GRM3: variants seen among roughly 807,000 people sequenced by gnomAD.
GRM3 encodes the protein glutamate metabotropic receptor 3, also known as metabotropic glutamate receptor 3.
A neutral mutation model predicts 70.5 loss-of-function variants in GRM3; 26 were observed. That is an observed-to-expected ratio of 0.37 (90% CI 0.27 to 0.51). The LOEUF (loss-of-function observed/expected upper bound fraction) is 0.51, where lower values mean the gene tolerates loss of function less well. GRM3 is among the 20% of genes least tolerant of loss of function. The probability of loss-of-function intolerance (pLI) is 0.93; values close to 1 mark genes in which losing one functional copy is unlikely to be tolerated. For missense variants in GRM3, 859 were observed against 1,123.8 expected, an observed-to-expected ratio of 0.76 and a Z score of 3.37; for synonymous variants, 443 against 434.9, an observed-to-expected ratio of 1.02 and a Z score of -0.23.
intron 3 of GRM3, among the ~76,000 whole-genome samples, chr7:86,795,925 AAAT>A (rs1208037490): frequency 6.6e-6 from 1 of 152,072 alleles, no homozygotes; most frequent in Non-Finnish European, 1.5e-5. Context: ...CTTGACTTTT[AAAT>A]AATGTTTATT....
intron 1 of GRM3, among the ~76,000 whole-genome samples, chr7:86,750,225 A>T (rs1031285379): frequency 1.3e-5 from 2 of 152,038 alleles, no homozygotes; most frequent in African/African-American, 4.8e-5. Flanking sequence ...GATTATGCTA[A>T]TCTACACAGA....
rs560866256 is a variant in GRM3 at position 86,741,168 on chromosome 7, T to C, written c.-140-23838T>C. 1.2e-4 allele frequency among the ~76,000 whole-genome samples: 18 copies of C among 152,288 alleles called. No homozygotes were observed. In the South Asian group the frequency reaches 2.3e-3, roughly 19 times the overall value. On this transcript the variant is annotated intron_variant, in intron 1 of 5. Coordinates refer to ENST00000361669, the MANE Select transcript of GRM3 (RefSeq NM_000840.3). The stretch of plus-strand genomic sequence containing the variant: ...GTTTTGGGATGTTGTGTTTGACCTC[T>C]ACTAACTCTAATATGGATGGTACTA...
At chr7:86,758,354 C>T (rs941693800) in intron 1 of GRM3, among the ~76,000 whole-genome samples, 10 of 152,086 alleles carry the variant, frequency 6.6e-5, no homozygotes, top group African/African-American at 1.9e-4. Context: ...TTTCTACACT[C>T]GGTTTATGCT....
At chr7:86,780,296 T>A (rs947596933) in intron 2 of GRM3, among the ~76,000 whole-genome samples, 2 of 152,190 alleles carry the variant, frequency 1.3e-5, no homozygotes, top group Admixed American at 1.3e-4. Flanking sequence ...TATGCATATG[T>A]AACAAACTTG....
intron 1 of GRM3, among the ~76,000 whole-genome samples, chr7:86,695,780 G>GCTA (rs1489485878): frequency 6.6e-6 from 1 of 152,110 alleles, no homozygotes; most frequent in East Asian, 1.9e-4. Context: ...TTAAAAGGTG[G>GCTA]CTAGCTTCCC....
intron 4 of GRM3, among the ~76,000 whole-genome samples, chr7:86,845,590 T>C (rs1312368046): frequency 6.6e-6 from 1 of 152,050 alleles, no homozygotes; most frequent in African/African-American, 2.4e-5. Flanking sequence ...CTTAGTCTGG[T>C]GTGTATGGAC....
intron 1 of GRM3, among the ~76,000 whole-genome samples, chr7:86,711,193 T>G (rs1237584304): frequency 6.6e-6 from 1 of 151,648 alleles, no homozygotes; most frequent in Non-Finnish European, 1.5e-5. Flanking sequence ...TTTTATTTTA[T>G]TATTATTATA....
chr7:86,793,509 T>G (rs1245855365), intron 3 of GRM3, among the ~76,000 whole-genome samples: 1 of 152,250 alleles, frequency 6.6e-6, no homozygotes, highest in African/African-American at 2.4e-5. Flanking sequence ...CCAGCTCTGC[T>G]GATCAAAAGC....
intron 1 of GRM3, among the ~76,000 whole-genome samples, chr7:86,720,864 GA>G (rs1795445229): frequency 6.6e-6 from 1 of 152,072 alleles, no homozygotes; most frequent in African/African-American, 2.4e-5. Context: ...ACTAGAGATA[GA>G]AAAGTGAGCA....
intron 1 of GRM3, among the ~76,000 whole-genome samples, chr7:86,684,321 G>T (rs890477949): frequency 2.0e-5 from 3 of 152,152 alleles, no homozygotes; most frequent in African/African-American, 7.2e-5. Flanking sequence ...ATTCCACAGA[G>T]GGCTGTTGCA....
At chr7:86,767,330 C>G (rs141435858) in intron 2 of GRM3, among the ~76,000 whole-genome samples, 1 of 151,550 alleles carries the variant, frequency 6.6e-6, no homozygotes, top group Non-Finnish European at 1.5e-5. Flanking sequence ...CTTCAGATTA[C>G]ACCATCATGT....
At chr7:86,691,860 A>G (rs540037917) in intron 1 of GRM3, among the ~76,000 whole-genome samples, 3 of 152,300 alleles carry the variant, frequency 2.0e-5, no homozygotes, top group Admixed American at 6.5e-5. Context: ...TAAATTTCTT[A>G]TCATTAAAAA....
At chr7:86,844,682 A>G (rs1798619948) in intron 4 of GRM3, among the ~76,000 whole-genome samples, 1 of 152,146 alleles carries the variant, frequency 6.6e-6, no homozygotes, top group Non-Finnish European at 1.5e-5. Flanking sequence ...GGATGTTAAC[A>G]ATGGAGATGG....
intron 2 of GRM3, chr7:86,784,512 T>C (rs1186413151): frequency 6.6e-6 from 1 of 152,162 alleles, no homozygotes; most frequent in Admixed American, 6.5e-5. Context: ...TAGTGGTACA[T>C]AAATCCAGTG....
chr7:86,763,920 A>C (rs1372216846), intron 1 of GRM3, among the ~76,000 whole-genome samples: 1 of 152,158 alleles, frequency 6.6e-6, no homozygotes, highest in Non-Finnish European at 1.5e-5. Context: ...TACGAATTAC[A>C]AGAGCTCAGC....
At chr7:86,654,503 A>T (rs190314676) in intron 1 of GRM3, among the ~76,000 whole-genome samples, 1 of 152,164 alleles carries the variant, frequency 6.6e-6, no homozygotes, top group Non-Finnish European at 1.5e-5. Context: ...CTCACACAGC[A>T]GTCTCTACGT....
intron 1 of GRM3, among the ~76,000 whole-genome samples, chr7:86,748,375 G>C (rs1250937927): frequency 6.6e-6 from 1 of 151,974 alleles, no homozygotes; most frequent in Non-Finnish European, 1.5e-5. Context: ...CAAGTAACAA[G>C]TCTCTGACTA....
chr7:86,737,698 C>A (rs1055360112), intron 1 of GRM3, among the ~76,000 whole-genome samples: 13 of 152,118 alleles, frequency 8.5e-5, no homozygotes, highest in Admixed American at 2.6e-4. Context: ...GGACACATAT[C>A]TCTGGAAATT....
intron 1 of GRM3, among the ~76,000 whole-genome samples, chr7:86,740,782 C>A (rs1239858931): frequency 7.9e-5 from 12 of 152,186 alleles, no homozygotes. Context: ...GGACTTCCAA[C>A]TCACTTCATT....
Sources: gnomAD v4.1 joint callset for allele counts (sites outside exome capture counted in the v4.1 genomes callset) on GRCh38, gnomAD v4.1.1 for gene constraint, MANE v1.5 for transcripts, NCBI Gene and HGNC (gene_info 2026-07-23, HGNC 2026-07-21) for gene names.